The following ARMC9 variants were observed in gnomAD, a reference collection of about 807,000 sequenced individuals.
The protein encoded by ARMC9 is armadillo repeat containing 9.
A neutral mutation model predicts 107.0 loss-of-function variants in ARMC9; 94 were observed. The observed-to-expected ratio is 0.88, with a 90% CI of 0.74 to 1.04. The LOEUF (loss-of-function observed/expected upper bound fraction) is 1.04, where lower values mean the gene tolerates loss of function less well. ARMC9 is among the 50% of genes least tolerant of loss of function. ARMC9 has a pLI of 0.00. For synonymous variants in ARMC9, 380 were observed against 396.9 expected (o/e 0.96, Z 0.51); for missense variants, 942 against 1,030.1 (o/e 0.91, Z 1.17).
At chr2:231,320,195 GCA>G (rs1659195948) in intron 19 of ARMC9, among the ~76,000 whole-genome samples, 2 of 152,226 alleles carry the variant, frequency 1.3e-5, no homozygotes, top group South Asian at 4.1e-4. Flanking sequence ...TTTCCACAGT[GCA>G]GCAAAGAGCT....
intron 20 of ARMC9, among the ~76,000 whole-genome samples, chr2:231,339,729 C>T (rs1246650478): frequency 6.6e-6 from 1 of 152,256 alleles, no homozygotes; most frequent in Non-Finnish European, 1.5e-5. Context: ...CACCTGAATT[C>T]AAGACCAGCC....
At chr2:231,301,940 C>T (rs1233710880) in intron 19 of ARMC9, among the ~76,000 whole-genome samples, 1 of 151,956 alleles carries the variant, frequency 6.6e-6, no homozygotes, top group Non-Finnish European at 1.5e-5. Flanking sequence ...CATCACGCCG[C>T]TGCACTCCAG....
intron 23 of ARMC9, among the ~76,000 whole-genome samples, chr2:231,366,702 A>G (rs927362786): frequency 2.4e-4 from 37 of 151,462 alleles, no homozygotes; most frequent in Non-Finnish European, 3.5e-4. Context: ...TTAGCCGGGC[A>G]TGGTGGCGGG....
At position 231,220,561 on chromosome 2, in the gene ARMC9, C is replaced by T. The variant is rs113487716; in HGVS notation, c.505-2167C>T. On this transcript the variant is annotated intron_variant, in intron 5 of 24. Coordinates refer to ENST00000611582, the MANE Select transcript of ARMC9 (RefSeq NM_001352754.2). ...GGAGCAAGTCGAGATCACACCACTGCGCTCCAGTTTGGGCAACAGAGCGAG... is the reference window on the plus strand; with the variant it reads ...GGAGCAAGTCGAGATCACACCACTGTGCTCCAGTTTGGGCAACAGAGCGAG... 4.4e-3 allele frequency among the ~76,000 whole-genome samples: 653 copies of T among 147,348 alleles called. 2 individuals carry two copies. The highest frequency in any genetic ancestry group is 0.016 in the African/African-American group (633 of 39,628).
chr2:231,255,996 C>T lies in ARMC9; in HGVS notation c.880-590C>T, dbSNP rs1232836224. 1.2e-5 allele frequency: 14 copies of T among 1,183,682 alleles called. 1 individual carries two copies. Among genetic ancestry groups the T allele is most frequent in the Admixed American group, 1.1e-4 (4 of 37,274 alleles). The allele number at this position is 1,183,682 out of a possible 1,614,324, so 73.3% of individuals were successfully genotyped here. A position where few individuals can be genotyped will look rare whatever the true frequency, so the allele number is the denominator to read the frequency against. On this transcript the variant is annotated intron_variant, in intron 9 of 24. Transcript: ENST00000611582. This position sits in a 1 kb window ranked among gnomAD's most constrained non-coding sequence, Gnocchi z 4.7. Reference sequence around the variant, plus strand: ...CGGAGGTTGCGGTGAGCCAAGATTGCGCCACTGCTCTCCAGCCTGGGTGAC... The same window carrying T: ...CGGAGGTTGCGGTGAGCCAAGATTGTGCCACTGCTCTCCAGCCTGGGTGAC...
Position 231,254,943 on chromosome 2 carries a change from A to T in ARMC9, c.880-1643A>T, listed in dbSNP as rs190492723. 8.6e-4 allele frequency among the ~76,000 whole-genome samples: 131 copies of T among 152,254 alleles called. 3 individuals carry two copies. In the East Asian group the frequency reaches 0.022, roughly 26 times the overall value. ...ATCATTCAATATACATTTCTAACTG[A>T]TCAGAGGCTTTAATATACAAGCACA... On this transcript the variant is annotated intron_variant, in intron 9 of 24. Transcript: ENST00000611582.
Position 231,350,946 on chromosome 2 carries a change from C to CTTTTTTTTTTTTTTTTTTTTT in ARMC9, c.1995-4842_1995-4822dup, listed in dbSNP as rs770225857. Among the ~76,000 whole-genome samples, 6 of 50,598 alleles carry CTTTTTTTTTTTTTTTTTTTTT rather than the reference C, an allele frequency of 1.2e-4. 2 individuals carry two copies. The highest frequency in any genetic ancestry group is 6.0e-4 in the African/African-American group (6 of 10,074). The allele number at this position is 50,598 out of a possible 152,430, so 33.2% of individuals were successfully genotyped here. On this transcript the variant is annotated intron_variant, in intron 21 of 24. Transcript: ENST00000611582. ...ATCCTATTTGCACAAAGTGACAATT[C>CTTTTTTTTTTTTTTTTTTTTT]TTTTTTTTTTTTTTTTTTTTTTTTT... is the stretch of plus-strand genomic sequence containing the variant.
At chr2:231,350,636 G>A (rs73994581) in intron 21 of ARMC9, among the ~76,000 whole-genome samples, 3,432 of 112,008 alleles carry the variant, frequency 0.031, 119 homozygotes, top group African/African-American at 0.22. Flanking sequence ...AAAAAAAAAA[G>A]AAAAAGAAAA....
chr2:231,225,078 T>C (rs2034511553), intron 6 of ARMC9, among the ~76,000 whole-genome samples: 1 of 152,250 alleles, frequency 6.6e-6, no homozygotes. Context: ...AAAATAACTT[T>C]TTACTTCCTG....
chr2:231,206,045 TC>T, intron 1 of ARMC9, among the ~76,000 whole-genome samples, 152 bp from the exon 2 acceptor site: 1 of 152,236 alleles, frequency 6.6e-6, no homozygotes, highest in Middle Eastern at 3.4e-3. Context: ...GCACCTTAAT[TC>T]CCCCTTGCCG....
chr2:231,260,992 C>G (rs1156582018), intron 11 of ARMC9, among the ~76,000 whole-genome samples: 3 of 152,170 alleles, frequency 2.0e-5, no homozygotes, highest in East Asian at 3.9e-4. Flanking sequence ...CAGGCACACC[C>G]TGGCCATGGT....
At position 231,239,240 on chromosome 2, in the gene ARMC9, A is replaced by T. The variant is rs139566327; in HGVS notation, c.781-703A>T. On this transcript the variant is annotated intron_variant, in intron 8 of 24. Transcript: ENST00000611582. ...TTTTAAAAAGAAAATAGATGAAAAA[A>T]ACTCCAAGATGACCACTTTCGATGT... Among the ~76,000 whole-genome samples, 322 of 152,264 alleles carry T rather than the reference A, an allele frequency of 2.1e-3. 2 individuals carry two copies. The highest frequency in any genetic ancestry group is 7.6e-3 in the African/African-American group (314 of 41,542).
chr2:231,198,793 G>T (rs2030171081), intron 1 of ARMC9, 95 bp downstream of exon 1: 1 of 152,374 alleles, frequency 6.6e-6, no homozygotes, highest in Non-Finnish European at 1.5e-5. Context: ...AGGCTCTGCG[G>T]ACCTCTTGTT....
intron 23 of ARMC9, among the ~76,000 whole-genome samples, 171 bp from the exon 24 acceptor site, chr2:231,369,782 C>T (rs149513597): frequency 0.051 from 7,778 of 151,518 alleles, 279 homozygotes; most frequent in East Asian, 0.14. Flanking sequence ...TTAGTAGTGA[C>T]GGGGCTTCAC....
intron 14 of ARMC9, among the ~76,000 whole-genome samples, chr2:231,273,526 C>T (rs2125437908): frequency 1.3e-5 from 2 of 152,234 alleles, no homozygotes; most frequent in South Asian, 4.1e-4. Context: ...CCCAGCAGCC[C>T]ACCCCATGGG....
At chr2:231,300,696 A>G (rs561155474) in intron 19 of ARMC9, among the ~76,000 whole-genome samples, 11 of 152,384 alleles carry the variant, frequency 7.2e-5, no homozygotes, top group Admixed American at 6.5e-4. Flanking sequence ...GGTCTGACTC[A>G]GTGGTCCATG....
At chr2:231,279,519 T>C (rs533510957) in intron 16 of ARMC9, among the ~76,000 whole-genome samples, 25 of 147,192 alleles carry the variant, frequency 1.7e-4, no homozygotes, top group Non-Finnish European at 2.7e-4. Context: ...TTCTTTTTTT[T>C]TTTTTTTTTG....
intron 6 of ARMC9, among the ~76,000 whole-genome samples, chr2:231,224,931 T>C (rs1490472668): frequency 2.0e-5 from 3 of 152,182 alleles, no homozygotes; most frequent in African/African-American, 7.2e-5. Context: ...TAATTTAATA[T>C]TACTGGAGCA....
At chr2:231,256,554 C>T (rs1368862271) in intron 9 of ARMC9, 32 bp from the exon 10 acceptor site, 1 of 1,611,880 alleles carries the variant, frequency 6.2e-7, no homozygotes, top group South Asian at 1.1e-5. Flanking sequence ...GTGTTTAACA[C>T]CATCTGTTTT....
Sources: allele counts gnomAD v4.1 joint callset (sites outside exome capture counted in the v4.1 genomes callset), GRCh38; gene constraint gnomAD v4.1.1; non-coding constraint Gnocchi (gnomAD v3.1); transcripts MANE v1.5; gene names NCBI Gene and HGNC (gene_info 2026-07-23, HGNC 2026-07-21).